The following SFMBT2 variants were observed in gnomAD, a reference collection of about 807,000 sequenced individuals.
SFMBT2 encodes scm-like with four MBT domains protein 2.
Under a neutral mutation model 110.1 loss-of-function variants are expected in SFMBT2, and 38 were observed. The ratio of observed to expected loss-of-function variants is 0.35; its 90% CI spans 0.27 to 0.45. SFMBT2 has a LOEUF of 0.45. Among genes scored for constraint, SFMBT2 ranks in the 20% least tolerant of loss-of-function variants. SFMBT2 has a pLI of 1.00. For missense variants in SFMBT2, 1,011 were observed against 1,094.9 expected (o/e 0.92, Z 1.08); for synonymous variants, 425 against 425.4 (o/e 1.00, Z 0.01).
intron 4 of SFMBT2, among the ~76,000 whole-genome samples, chr10:7,328,550 T>A (rs1341988798): frequency 6.6e-6 from 1 of 152,242 alleles, no homozygotes; most frequent in Non-Finnish European, 1.5e-5. Flanking sequence ...ACAAATCCCA[T>A]GTCCTCTTCT....
chr10:7,223,713 T>C (rs1251295182), intron 10 of SFMBT2, among the ~76,000 whole-genome samples: 1 of 152,250 alleles, frequency 6.6e-6, no homozygotes, highest in Non-Finnish European at 1.5e-5. Flanking sequence ...TATCTTTTCA[T>C]TCATTATGAG....
intron 4 of SFMBT2, among the ~76,000 whole-genome samples, chr10:7,310,612 GA>G (rs1842822819): frequency 1.3e-5 from 2 of 152,234 alleles, no homozygotes; most frequent in Non-Finnish European, 2.9e-5. Context: ...AAGTCTGTCT[GA>G]TTTTTCCTCT....
intron 11 of SFMBT2, among the ~76,000 whole-genome samples, chr10:7,217,164 C>G (rs1839569344): frequency 6.6e-6 from 1 of 152,112 alleles, no homozygotes; most frequent in South Asian, 2.1e-4. Context: ...TGGTGCCAGT[C>G]AGGGGCTGAG....
intron 4 of SFMBT2, among the ~76,000 whole-genome samples, chr10:7,318,503 C>T (rs1843079914): frequency 6.6e-6 from 1 of 152,152 alleles, no homozygotes; most frequent in Non-Finnish European, 1.5e-5. Flanking sequence ...GTACCTGGCA[C>T]CTGGGCTCAA....
chr10:7,406,383 C>A (rs573620227), intron 1 of SFMBT2, among the ~76,000 whole-genome samples: 9 of 151,736 alleles, frequency 5.9e-5, no homozygotes, highest in Admixed American at 5.9e-4. Context: ...TTACATAGAA[C>A]CTCATTTTCT....
Position 7,353,552 on chromosome 10 carries a change from G to A in SFMBT2, c.436+14097C>T, listed in dbSNP as rs148495755. On this transcript the variant is annotated intron_variant, in intron 4 of 20. Transcript: ENST00000397167. ...GAAGGGCTATGGTTGAGTACCATTT[G>A]TGAAAACTGGTCCTCAAGCTTTCTT... Among the ~76,000 whole-genome samples, 15 of 150,820 alleles carry A rather than the reference G, an allele frequency of 9.9e-5. No homozygotes were observed. In the East Asian group the frequency reaches 2.7e-3, roughly 27 times the overall value.
chr10:7,169,019 G>C (rs1837786185), intron 20 of SFMBT2, among the ~76,000 whole-genome samples: 1 of 152,168 alleles, frequency 6.6e-6, no homozygotes, highest in Non-Finnish European at 1.5e-5. Flanking sequence ...CTGGAGTGCA[G>C]TGACACGATC....
chr10:7,367,759 C>T lies in SFMBT2; in HGVS notation c.326G>A (p.Cys109Tyr). 1 of 1,614,176 alleles carries T rather than the reference C, an allele frequency of 6.2e-7. No individual in the cohort carries two copies. ...TCGQLLLLRY[C>Y]GYGEDRRADF... is the part of the protein sequence containing the mutation. ...GGCCCTGCGGTCCTCCCCGTAACCG[C>T]AGTAGCGCAGAAGCAGCAGCTGCCC... The change falls in exon 4 of 21, where the codon TGC (cysteine) becomes TAC (tyrosine). Residue 109 changes from cysteine to tyrosine, a missense_variant. Cys to Tyr is a radical substitution (Grantham distance 194). This residue lies in a region of SFMBT2 where 979 missense variants were observed against 1,016.1 expected (regional missense o/e 0.96). Coordinates refer to ENST00000397167, the MANE Select transcript of SFMBT2 (RefSeq NM_001387889.1). This position sits in a 1 kb window ranked among gnomAD's most constrained non-coding sequence, Gnocchi z 6.2.
intron 10 of SFMBT2, among the ~76,000 whole-genome samples, chr10:7,222,589 C>T (rs1010411552): frequency 6.6e-6 from 1 of 152,072 alleles, no homozygotes; most frequent in African/African-American, 2.4e-5. Context: ...TTACCTAACA[C>T]AAACAGCAGT....
intron 16 of SFMBT2, among the ~76,000 whole-genome samples, chr10:7,186,459 C>CACATATATATAT (rs748644225): frequency 7.9e-6 from 1 of 126,912 alleles, no homozygotes; most frequent in Non-Finnish European, 1.7e-5. Flanking sequence ...CACACACACA[C>CACATATATATAT]ATATATATAT....
intron 11 of SFMBT2, among the ~76,000 whole-genome samples, chr10:7,212,069 G>A (rs1839370121): frequency 6.6e-6 from 1 of 152,210 alleles, no homozygotes; most frequent in Non-Finnish European, 1.5e-5. Context: ...CTTTGCAAAT[G>A]CAGATTCCCA....
chr10:7,297,936 C>T (rs1003989643), intron 4 of SFMBT2, among the ~76,000 whole-genome samples: 1 of 152,206 alleles, frequency 6.6e-6, no homozygotes. Flanking sequence ...ACCACCTCCA[C>T]AGTGGGAGCA....
intron 4 of SFMBT2, among the ~76,000 whole-genome samples, chr10:7,366,661 GT>G (rs1564460767): frequency 6.6e-6 from 1 of 152,236 alleles, no homozygotes; most frequent in Admixed American, 6.5e-5. Flanking sequence ...AACATAGAGA[GT>G]GGGGTGTAGA....
At chr10:7,345,817 G>C (rs1032625119) in intron 4 of SFMBT2, among the ~76,000 whole-genome samples, 1 of 152,120 alleles carries the variant, frequency 6.6e-6, no homozygotes, top group African/African-American at 2.4e-5. Context: ...GAGTGTTCTA[G>C]AATCTCCTGC....
intron 2 of SFMBT2, among the ~76,000 whole-genome samples, chr10:7,381,444 ATGACTGCTGG>A (rs1480699178): frequency 3.9e-5 from 6 of 152,180 alleles, no homozygotes; most frequent in African/African-American, 1.2e-4. Flanking sequence ...GCCAGAGCAG[ATGACTGCTGG>A]TCCGAGACCT....
intron 11 of SFMBT2, among the ~76,000 whole-genome samples, chr10:7,207,137 A>G (rs1839162915): frequency 6.6e-6 from 1 of 152,066 alleles, no homozygotes; most frequent in Admixed American, 6.6e-5. Context: ...AGGCAGGAGG[A>G]TTGCTTGAGT....
intron 11 of SFMBT2, among the ~76,000 whole-genome samples, chr10:7,209,685 T>A (rs541266875): frequency 6.6e-6 from 1 of 152,382 alleles, no homozygotes; most frequent in African/African-American, 2.4e-5. Flanking sequence ...TATATTCATA[T>A]GTGCATAAAA....
chr10:7,187,620 A>G (rs556718042), intron 16 of SFMBT2, among the ~76,000 whole-genome samples: 1 of 152,366 alleles, frequency 6.6e-6, no homozygotes, highest in South Asian at 2.1e-4. Context: ...GACACCAGGA[A>G]TGCTAAGTGG....
rs150521625 is a variant in SFMBT2 at position 7,225,751 on chromosome 10, T to C, written c.1203+2104A>G. On this transcript the variant is annotated intron_variant, in intron 10 of 20. Transcript: ENST00000397167. ...CATAGAAGAAATCACTCTTTAAATA[T>C]AGAATGAAAGAGAGAGAGAAGGATT... Among the ~76,000 whole-genome samples the C allele has an allele frequency of 9.9e-5, 15 of 152,260 alleles. No individual in the cohort carries two copies. In the East Asian group the frequency reaches 2.3e-3, roughly 24 times the overall value.
Sources: gnomAD v4.1 joint callset for allele counts (sites outside exome capture counted in the v4.1 genomes callset) on GRCh38, gnomAD v4.1.1 for gene constraint, gnomAD v4.1.1 regional missense constraint, Gnocchi (gnomAD v3.1) non-coding constraint, MANE v1.5 for transcripts, NCBI Gene and HGNC (gene_info 2026-07-23, HGNC 2026-07-21) for gene names.